The following SLC38A8 variants were observed in gnomAD, a reference collection of about 807,000 sequenced individuals.
SLC38A8 encodes amino acid transporter SLC38A8.
SLC38A8 carries 65 observed loss-of-function variants against 46.0 expected under a neutral mutation model. The observed-to-expected ratio is 1.41, with a 90% CI of 1.16 to 1.74. The LOEUF (loss-of-function observed/expected upper bound fraction) is 1.74. Among genes scored for constraint, SLC38A8 ranks in the 40% most tolerant of loss-of-function variants. The pLI is 0.00. For missense variants in SLC38A8, 998 were observed against 567.9 expected (o/e 1.76, Z -7.70); for synonymous variants, 447 against 243.7 (o/e 1.83, Z -7.77).
At chr16:84,031,212 A>G (rs2010830) in intron 5 of SLC38A8, among the ~76,000 whole-genome samples, 107,783 of 151,862 alleles carry the variant, frequency 0.71, 38,613 homozygotes, top group Middle Eastern at 0.81. Flanking sequence ...GCTGAATTTT[A>G]TATTTTTATG....
chr16:84,013,105 C>G, intron 9 of SLC38A8, 53 bp from the exon 10 acceptor site: 2 of 1,609,040 alleles, frequency 1.2e-6, no homozygotes, highest in Non-Finnish European at 1.7e-6. Context: ...CCCAAAGCAA[C>G]AAAAAGGTCC....
chr16:84,036,693 G>T lies in SLC38A8; in HGVS notation c.388+9C>A. 2 of 1,613,986 alleles carry T rather than the reference G, an allele frequency of 1.2e-6. No homozygotes were observed. Among genetic ancestry groups the T allele is most frequent in the Non-Finnish European group, 1.7e-6 (2 of 1,180,008 alleles). Reference sequence around the variant, plus strand: ...CCTGGGCCACCCCGAGTCCCATGAAGGTACTTACGCTTCTCCAGCTGGTCC... The same window carrying T: ...CCTGGGCCACCCCGAGTCCCATGAATGTACTTACGCTTCTCCAGCTGGTCC... On this transcript the variant is annotated intron_variant, in intron 3 of 10. Transcript: ENST00000299709.
intron 2 of SLC38A8, 137 bp downstream of exon 2, chr16:84,041,832 G>A (rs754996363): frequency 7.3e-5 from 57 of 776,590 alleles, no homozygotes; most frequent in Non-Finnish European, 9.6e-5. Context: ...CTCATTAGCT[G>A]AGCGGGATAG....
At chr16:84,010,770 G>T (rs910812542) in intron 10 of SLC38A8, among the ~76,000 whole-genome samples, 1 of 152,040 alleles carries the variant, frequency 6.6e-6, no homozygotes, top group Non-Finnish European at 1.5e-5. Context: ...ATGGAGAGAA[G>T]GGAGACACTA....
chr16:84,028,016 A>C (rs2085186627), intron 6 of SLC38A8, among the ~76,000 whole-genome samples: 1 of 152,078 alleles, frequency 6.6e-6, no homozygotes, highest in African/African-American at 2.4e-5. Context: ...CCGACTGATT[A>C]CGAGGAAGAG....
chr16:84,038,899 G>A (rs1050881181), intron 2 of SLC38A8, among the ~76,000 whole-genome samples: 23 of 152,236 alleles, frequency 1.5e-4, no homozygotes, highest in African/African-American at 5.5e-4. Context: ...AGCTGAGCAT[G>A]GTGGTCGAGC....
chr16:84,031,144 A>T (rs1344156603), intron 5 of SLC38A8, among the ~76,000 whole-genome samples: 1 of 152,082 alleles, frequency 6.6e-6, no homozygotes, highest in Admixed American at 6.5e-5. Flanking sequence ...GGTTCAAGCA[A>T]TTCTCCTGCC....
At chr16:84,042,281 C>A in intron 1 of SLC38A8, 122 bp from the exon 2 acceptor site, 1 of 1,079,650 alleles carries the variant, frequency 9.3e-7, no homozygotes, top group Non-Finnish European at 1.3e-6. Flanking sequence ...TGCCCGCTTC[C>A]TTGGCGTCAG....
In SLC38A8 at chr16:84,036,814, G is replaced by T; in HGVS notation, c.276C>A (p.Val92=). Residue 92 remains valine, a synonymous_variant, in exon 3 of 11, where the codon GTC becomes GTA. Transcript: ENST00000299709. The part of the protein sequence containing the change: ...VSGQATYQGV[V]RGLCGPAIGK... ...CAATGGCAGGGCCACACAGCCCCCT[G>T]ACCACACCCTGGTAGGTGGCCTGGC... 6.2e-7 allele frequency: 1 copy of T among 1,614,008 alleles called. No homozygotes were observed. Among genetic ancestry groups the T allele is most frequent in the Non-Finnish European group, 8.5e-7 (1 of 1,180,016 alleles).
At chr16:84,028,111 C>T (rs1325694569) in intron 6 of SLC38A8, among the ~76,000 whole-genome samples, 1 of 151,296 alleles carries the variant, frequency 6.6e-6, no homozygotes, top group East Asian at 1.9e-4. Flanking sequence ...AGAAGCAGAG[C>T]TCACTGATGG....
At chr16:84,010,245 A>G (rs954418297) in intron 10 of SLC38A8, among the ~76,000 whole-genome samples, 13 of 151,834 alleles carry the variant, frequency 8.6e-5, no homozygotes, top group African/African-American at 3.1e-4. Context: ...CAATTTTTGT[A>G]TTTTTAGTAG....
chr16:84,024,313 C>T (rs2085134718), intron 6 of SLC38A8, among the ~76,000 whole-genome samples: 1 of 152,206 alleles, frequency 6.6e-6, no homozygotes, highest in African/African-American at 2.4e-5. Flanking sequence ...TTAGAATCTA[C>T]ATACTGTATA....
chr16:84,032,161 G>A (rs2085247963), intron 4 of SLC38A8, among the ~76,000 whole-genome samples, 193 bp from the exon 5 acceptor site: 1 of 138,248 alleles, frequency 7.2e-6, no homozygotes, highest in Non-Finnish European at 1.6e-5. Context: ...CAAGGGGTCA[G>A]ATGTAGAGTT....
In SLC38A8 at chr16:84,036,880, G is replaced by A. The variant is rs577643966; in HGVS notation, c.210C>T (p.Ile70=). 1.2e-6 allele frequency: 2 copies of A among 1,612,674 alleles called. No individual in the cohort carries two copies. The highest frequency in any genetic ancestry group is 2.2e-5 in the East Asian group (1 of 44,856). ...LVELVSLVFL[I]SGLVILGYAA... ...CATAGCCCAGGATGACCAGCCCGCTGATCAGGAAGACCAACGAGACCTGCG... is the reference window on the plus strand; with the variant it reads ...CATAGCCCAGGATGACCAGCCCGCTAATCAGGAAGACCAACGAGACCTGCG... Residue 70 remains isoleucine, a synonymous_variant, in exon 3 of 11, where the codon ATC becomes ATT. Coordinates refer to ENST00000299709, the MANE Select transcript of SLC38A8 (RefSeq NM_001080442.3).
chr16:84,033,209 T>G, intron 4 of SLC38A8, 119 bp downstream of exon 4: 1 of 1,398,178 alleles, frequency 7.2e-7, no homozygotes, highest in African/African-American at 1.4e-5. Context: ...TTTTTCGTTT[T>G]CCCCTTCTCC....
In SLC38A8 at chr16:84,042,078, A is replaced by C. The variant is rs768795390; in HGVS notation, c.80T>G (p.Met27Arg). ...CTTCATGAGGATGAAGACAGCGCCC[A>C]TCGAGGACAGAGTGGCAGCAGCCGT... ...PATAAATLSS[M>R]GAVFILMKSA... Residue 27 changes from methionine to arginine, a missense_variant, in exon 2 of 11, where the codon ATG (methionine) becomes AGG (arginine). Transcript: ENST00000299709. 2 of 1,614,072 alleles carry C rather than the reference A, an allele frequency of 1.2e-6. No homozygotes were observed. The highest frequency in any genetic ancestry group is 4.5e-5 in the East Asian group (2 of 44,876).
intron 9 of SLC38A8, among the ~76,000 whole-genome samples, chr16:84,015,484 A>T (rs948010934): frequency 1.3e-5 from 2 of 152,002 alleles, no homozygotes; most frequent in Admixed American, 6.6e-5. Context: ...TTTTTTAATA[A>T]AACAAAATCT....
intron 9 of SLC38A8, among the ~76,000 whole-genome samples, chr16:84,013,327 C>A (rs755722271): frequency 6.6e-6 from 1 of 152,004 alleles, no homozygotes; most frequent in African/African-American, 2.4e-5. Flanking sequence ...TGCCCCCCCA[C>A]AGCAGAGTCT....
intron 3 of SLC38A8, 149 bp from the exon 4 acceptor site, chr16:84,033,618 A>T: frequency 1.2e-6 from 1 of 842,344 alleles, no homozygotes; most frequent in Non-Finnish European, 1.8e-6. Flanking sequence ...TGAGATGGAG[A>T]CAGGTCACGT....
Sources: gnomAD v4.1 joint callset for allele counts (sites outside exome capture counted in the v4.1 genomes callset) on GRCh38, gnomAD v4.1.1 for gene constraint, MANE v1.5 for transcripts, NCBI Gene and HGNC (gene_info 2026-07-23, HGNC 2026-07-21) for gene names.